SCML4: variants seen among roughly 807,000 people sequenced by gnomAD.
SCML4 encodes Scm polycomb group protein like 4.
Under a neutral mutation model 41.1 loss-of-function variants are expected in SCML4, and 34 were observed. That is an observed-to-expected ratio of 0.83 (90% CI 0.63 to 1.10). The LOEUF (loss-of-function observed/expected upper bound fraction) is 1.10, where lower values mean the gene tolerates loss of function less well. Among genes scored for constraint, SCML4 ranks in the 50% least tolerant of loss-of-function variants. The pLI is 0.00. For missense variants in SCML4, 522 were observed against 534.1 expected (o/e 0.98, Z 0.22); for synonymous variants, 214 against 220.9 (o/e 0.97, Z 0.28).
intron 2 of SCML4, among the ~76,000 whole-genome samples, chr6:107,756,431 T>A (rs1187959637): frequency 6.6e-6 from 1 of 152,068 alleles, no homozygotes; most frequent in Non-Finnish European, 1.5e-5. Flanking sequence ...CTTTACAAAA[T>A]ACCCAACCAG....
At chr6:107,781,473 A>T (rs938973) in intron 1 of SCML4, among the ~76,000 whole-genome samples, 1 of 152,020 alleles carries the variant, frequency 6.6e-6, no homozygotes, top group South Asian at 2.1e-4. Context: ...AGGGCATAAC[A>T]CCATCTCTAC....
In SCML4 at chr6:107,702,238, T is replaced by C. The variant is rs769584779; in HGVS notation, c.*2962A>G. 6.6e-6 allele frequency among the ~76,000 whole-genome samples: 1 copy of C among 152,240 alleles called. No homozygotes were observed. Among genetic ancestry groups the C allele is most frequent in the Non-Finnish European group, 1.5e-5 (1 of 68,042 alleles). On this transcript the variant is annotated 3_prime_UTR_variant, in exon 8 of 8. Coordinates refer to ENST00000369020, the MANE Select transcript of SCML4 (RefSeq NM_198081.5). ...CTTAAATATCATGGCTTCAGCAATC[T>C]GTCCTGCTTAAAGTTTAATGCAAAA...
intron 2 of SCML4, among the ~76,000 whole-genome samples, chr6:107,759,053 G>A (rs1262628921): frequency 4.3e-5 from 6 of 138,954 alleles, no homozygotes; most frequent in African/African-American, 1.6e-4. Flanking sequence ...TTAGGAGACT[G>A]AAGCAAGAGG....
chr6:107,720,381 A>C, intron 6 of SCML4: 1 of 1,032,586 alleles, frequency 9.7e-7, no homozygotes, highest in Non-Finnish European at 1.2e-6. Context: ...ATGTCCCTAT[A>C]TTGAGATGCA....
chr6:107,801,387 G>A (rs761011437), intron 1 of SCML4, among the ~76,000 whole-genome samples: 7 of 152,076 alleles, frequency 4.6e-5, no homozygotes, highest in East Asian at 1.9e-4. Context: ...CTCAGAGGGC[G>A]TCTCCTTGGC....
chr6:107,713,419 G>A (rs1465191187), intron 6 of SCML4, among the ~76,000 whole-genome samples: 3 of 152,142 alleles, frequency 2.0e-5, no homozygotes, highest in Non-Finnish European at 4.4e-5. Flanking sequence ...TCCCACCTCA[G>A]GCTGTTCCCA....
intron 5 of SCML4, among the ~76,000 whole-genome samples, chr6:107,727,099 G>C (rs1460425940): frequency 6.6e-6 from 1 of 152,206 alleles, no homozygotes; most frequent in Non-Finnish European, 1.5e-5. Flanking sequence ...ACTGATATCT[G>C]TTACAGTGTG....
At chr6:107,724,753 A>T (rs1433208294) in intron 5 of SCML4, among the ~76,000 whole-genome samples, 1 of 152,240 alleles carries the variant, frequency 6.6e-6, no homozygotes, top group Non-Finnish European at 1.5e-5. Context: ...TCACTGATTT[A>T]TTTGTAGAAA....
In SCML4 at chr6:107,703,454, T is replaced by C. The variant is rs1015466336; in HGVS notation, c.*1746A>G. ...TCTCAGTCCAGCCGCCATTTGTGTG[T>C]CTGAAAAGGAGGCTACGATGTGCTT... On this transcript the variant is annotated 3_prime_UTR_variant, in exon 8 of 8. Transcript: ENST00000369020. 2.0e-5 allele frequency among the ~76,000 whole-genome samples: 3 copies of C among 152,236 alleles called. No individual in the cohort carries two copies. The highest frequency in any genetic ancestry group is 7.2e-5 in the African/African-American group (3 of 41,456).
At chr6:107,749,837 C>A (rs375147910) in intron 2 of SCML4, 24 bp from the exon 3 acceptor site, 215 of 1,613,248 alleles carry the variant, frequency 1.3e-4, no homozygotes, top group Middle Eastern at 9.9e-4. Flanking sequence ...CCCATTTGGT[C>A]AATGAGAATC....
At chr6:107,789,696 G>A (rs1351375058) in intron 1 of SCML4, among the ~76,000 whole-genome samples, 2 of 152,134 alleles carry the variant, frequency 1.3e-5, no homozygotes, top group African/African-American at 4.8e-5. Context: ...TCTCTGAGTC[G>A]TCCCTGAACA....
intron 1 of SCML4, among the ~76,000 whole-genome samples, chr6:107,783,664 G>GCCTGATGGCAGGTGCTGGTCTGAGTTTA: frequency 1.5e-5 from 2 of 129,550 alleles, no homozygotes; most frequent in African/African-American, 3.0e-5. Flanking sequence ...GTCTGAGTTT[G>GCCTGATGGCAGGTGCTGGTCTGAGTTTA]CCTGATGGCA....
rs118164071 is a variant in SCML4 at position 107,738,259 on chromosome 6, G to T, written c.682+6690C>A. Among the ~76,000 whole-genome samples, 611 of 152,284 alleles carry T rather than the reference G, an allele frequency of 4.0e-3. 7 individuals carry two copies. In the East Asian group the frequency reaches 0.053, roughly 13 times the overall value. On this transcript the variant is annotated intron_variant, in intron 5 of 7. Transcript: ENST00000369020. ...AATAGAATTGGAGGGAAATAACTAA[G>T]TTCCTGGTCTCAGGCCAAGAACTCT...
chr6:107,807,140 T>C (rs1783799879), intron 1 of SCML4, among the ~76,000 whole-genome samples: 1 of 152,032 alleles, frequency 6.6e-6, no homozygotes, highest in South Asian at 2.1e-4. Context: ...TATGATGCCT[T>C]TATTGTTGCA....
rs141379019 is a variant in SCML4 at position 107,806,002 on chromosome 6, C to A, written c.-60+18124G>T. The stretch of plus-strand genomic sequence containing the variant: ...ATTCCCATCAAGCTCAGAGAAGTGG[C>A]TAAGGAGACACCACTTCTCTTCCCT... On this transcript the variant is annotated intron_variant, in intron 1 of 7. Transcript: ENST00000369020. 8.1e-4 allele frequency among the ~76,000 whole-genome samples: 123 copies of A among 152,244 alleles called. No homozygotes were observed. The East Asian group carries it at 0.016, about 20-fold the overall frequency.
At chr6:107,751,846 G>C (rs1462543354) in intron 2 of SCML4, among the ~76,000 whole-genome samples, 1 of 152,032 alleles carries the variant, frequency 6.6e-6, no homozygotes, top group Non-Finnish European at 1.5e-5. Flanking sequence ...ATGTTGGCCA[G>C]GCTGATCTCA....
chr6:107,844,447 C>T, the SCML4 span, among the ~76,000 whole-genome samples: 1 of 152,242 alleles, frequency 6.6e-6, no homozygotes, highest in East Asian at 1.9e-4. Flanking sequence ...CCTGTAATCC[C>T]AACACGCTGG....
intron 1 of SCML4, among the ~76,000 whole-genome samples, chr6:107,784,721 A>G (rs1781753099): frequency 1.3e-5 from 2 of 152,248 alleles, no homozygotes; most frequent in Non-Finnish European, 2.9e-5. Flanking sequence ...TCAGCTTTTG[A>G]TCAGCCAGGG....
chr6:107,715,835 A>G (rs369419931), intron 6 of SCML4, among the ~76,000 whole-genome samples: 51 of 152,294 alleles, frequency 3.3e-4, no homozygotes, highest in African/African-American at 1.2e-3. Context: ...GTGGTTTTAA[A>G]CCATTTTGAT....
Sources: gnomAD v4.1 joint callset for allele counts (sites outside exome capture counted in the v4.1 genomes callset) on GRCh38, gnomAD v4.1.1 for gene constraint, MANE v1.5 for transcripts, NCBI Gene and HGNC (gene_info 2026-07-23, HGNC 2026-07-21) for gene names.